Variants in USP34 observed in about 807,000 individuals in gnomAD.
USP34 encodes ubiquitin specific peptidase 34, also known as ubiquitin carboxyl-terminal hydrolase 34.
In USP34, 70 loss-of-function variants were observed where a neutral mutation model predicts 460.3. That is an observed-to-expected ratio of 0.15 (90% CI 0.13 to 0.19). USP34 has a LOEUF of 0.19. Ranked by LOEUF, USP34 falls within the 10% of genes least tolerant of loss-of-function variation. The pLI is 1.00. For missense variants in USP34, 3,985 were observed against 4,236.2 expected (o/e 0.94, Z 1.65); for synonymous variants, 1,647 against 1,405.3 (o/e 1.17, Z -3.85).
intron 43 of USP34, among the ~76,000 whole-genome samples, chr2:61,262,826 T>C (rs1688932219): frequency 6.6e-6 from 1 of 152,232 alleles, no homozygotes; most frequent in Non-Finnish European, 1.5e-5. Context: ...CCCTTTTCTT[T>C]ACAACATCGC....
intron 7 of USP34, among the ~76,000 whole-genome samples, chr2:61,379,416 A>C (rs1002345981): frequency 2.6e-5 from 4 of 152,194 alleles, no homozygotes; most frequent in African/African-American, 7.2e-5. Flanking sequence ...GCTACTCAGG[A>C]GGCTGAGGCA....
At position 61,313,439 on chromosome 2, in the gene USP34, G is replaced by A. The variant is rs1042487255; in HGVS notation, c.3542+1146C>T. Among the ~76,000 whole-genome samples, 3 of 152,206 alleles carry A rather than the reference G, an allele frequency of 2.0e-5. No individual in the cohort carries two copies. The East Asian group carries it at 5.8e-4, about 29-fold the overall frequency. Reference sequence around the variant, plus strand: ...AACAGGACCTTGTTGGTTTGTTGAAGATCCCACAGCATAGAAAAAATTTTA... The same window carrying A: ...AACAGGACCTTGTTGGTTTGTTGAAAATCCCACAGCATAGAAAAAATTTTA... On this transcript the variant is annotated intron_variant, in intron 25 of 79. Transcript: ENST00000398571.
At chr2:61,194,478 A>G (rs1686737074) in intron 75 of USP34, among the ~76,000 whole-genome samples, 1 of 152,180 alleles carries the variant, frequency 6.6e-6, no homozygotes, top group Non-Finnish European at 1.5e-5. Flanking sequence ...CTGTTTTTAT[A>G]TGGACTTGTG....
At chr2:61,311,728 A>G (rs773023943) in intron 26 of USP34, 41 bp from the exon 27 acceptor site, 4 of 1,609,464 alleles carry the variant, frequency 2.5e-6, no homozygotes, top group Non-Finnish European at 3.4e-6. Flanking sequence ...TACAAAAAGA[A>G]CAGATATTTG....
At chr2:61,251,967 A>T (rs1032346363) in intron 48 of USP34, among the ~76,000 whole-genome samples, 1 of 144,530 alleles carries the variant, frequency 6.9e-6, no homozygotes, top group Admixed American at 6.9e-5. Context: ...TAATTTGTTT[A>T]AAAAAAAAAA....
intron 28 of USP34, 47 bp from the exon 29 acceptor site, chr2:61,301,207 T>C: frequency 5.8e-6 from 9 of 1,554,848 alleles, no homozygotes; most frequent in Non-Finnish European, 7.8e-6. Flanking sequence ...GCTTTTAGTT[T>C]AATAAAACGG....
rs549814361 is a variant in USP34, at chr2:61,369,640, C to T, written c.1251+681G>A. Among the ~76,000 whole-genome samples, 4 of 52,722 alleles carry T rather than the reference C, an allele frequency of 7.6e-5. No homozygotes were observed. The South Asian group carries it at 3.1e-3, about 41-fold the overall frequency. 34.6% of individuals were successfully genotyped at this position (52,722 alleles called of 152,430 possible). A position where few individuals can be genotyped will look rare whatever the true frequency, so the allele number is the denominator to read the frequency against. ...CCTGGGCTACAAAGCAAGATTCCGT[C>T]TCAAAAAAAAAAAAAAAAAAAAAAA... On this transcript the variant is annotated intron_variant, in intron 10 of 79. Transcript: ENST00000398571.
rs1403562918 is a variant in USP34, at chr2:61,405,204, G to A, written c.552+504C>T. 4.2e-5 allele frequency among the ~76,000 whole-genome samples: 5 copies of A among 119,036 alleles called. No individual in the cohort carries two copies. The East Asian group carries it at 1.3e-3, about 32-fold the overall frequency. The allele number at this position is 119,036 out of a possible 152,430, so 78.1% of individuals were successfully genotyped here. ...ACCGAGATCACACCACTGCATTCCAGCCTGGGCAACAGAGAGAGACTCCAT... is the reference window on the plus strand; with the variant it reads ...ACCGAGATCACACCACTGCATTCCAACCTGGGCAACAGAGAGAGACTCCAT... On this transcript the variant is annotated intron_variant, in intron 3 of 79. Coordinates refer to ENST00000398571, the MANE Select transcript of USP34 (RefSeq NM_014709.4).
intron 61 of USP34, among the ~76,000 whole-genome samples, chr2:61,228,000 T>C (rs1252950329): frequency 6.6e-6 from 1 of 152,224 alleles, no homozygotes; most frequent in African/African-American, 2.4e-5. Context: ...GATTTTATGA[T>C]CTACTAGTGT....
chr2:61,206,924 T>G (rs1206253653), intron 70 of USP34, 38 bp from the exon 71 acceptor site: 1 of 1,600,234 alleles, frequency 6.2e-7, no homozygotes, highest in South Asian at 1.1e-5. Flanking sequence ...CTTAATTTCA[T>G]TTTTGCTTAC....
rs1039678267 is a variant in USP34 at position 61,229,396 on chromosome 2, C to G, written c.7199+152G>C. ...TAGCAATTTGGGAGGCCGAGGCGGG[C>G]GGATCATTTGAACTTACGAGTTTGA... On this transcript the variant is annotated intron_variant, in intron 59 of 79. Transcript: ENST00000398571. 6.3e-6 allele frequency: 3 copies of G among 479,074 alleles called. No homozygotes were observed. In the South Asian group the frequency reaches 1.3e-4, roughly 21 times the overall value. The allele number at this position is 479,074 out of a possible 1,614,324, so 29.7% of individuals were successfully genotyped here.
At chr2:61,196,854 T>A (rs963450007) in intron 75 of USP34, among the ~76,000 whole-genome samples, 2 of 152,138 alleles carry the variant, frequency 1.3e-5, no homozygotes, top group Non-Finnish European at 2.9e-5. Context: ...AATCTCTATA[T>A]CTATTTTCCA....
chr2:61,421,797 A>ACACGCG (rs1553387593), intron 1 of USP34, among the ~76,000 whole-genome samples: 65 of 147,394 alleles, frequency 4.4e-4, no homozygotes, highest in Middle Eastern at 3.6e-3. Context: ...ACACACACAC[A>ACACGCG]CGCGCGCGCG....
intron 5 of USP34, among the ~76,000 whole-genome samples, chr2:61,385,671 C>CA (rs61200102): frequency 0.051 from 2,351 of 45,870 alleles, 144 homozygotes; most frequent in African/African-American, 0.09. Flanking sequence ...GACTCTGTCT[C>CA]AAAAAAAAAA....
chr2:61,360,680 AG>A (rs1385618248), intron 10 of USP34, among the ~76,000 whole-genome samples: 4 of 152,242 alleles, frequency 2.6e-5, no homozygotes, highest in African/African-American at 4.8e-5. Context: ...GTTTTGAGAC[AG>A]GGTCTCATTT....
At chr2:61,246,276 A>G (rs1378407699) in intron 50 of USP34, 48 bp downstream of exon 50, 2 of 1,400,788 alleles carry the variant, frequency 1.4e-6, no homozygotes, top group African/African-American at 2.9e-5. Flanking sequence ...AACATATCAG[A>G]AAACTACCAT....
intron 19 of USP34, among the ~76,000 whole-genome samples, chr2:61,333,425 T>A (rs966770465): frequency 3.9e-5 from 6 of 152,076 alleles, no homozygotes; most frequent in African/African-American, 1.2e-4. Context: ...GCTCCAAAAA[T>A]GTTGGATTAT....
chr2:61,266,632 TG>T (rs1689056412), intron 41 of USP34, among the ~76,000 whole-genome samples: 1 of 152,186 alleles, frequency 6.6e-6, no homozygotes. Flanking sequence ...TCTGAGAAAG[TG>T]GGTGCTGGGT....
intron 1 of USP34, among the ~76,000 whole-genome samples, chr2:61,457,789 A>G (rs1695480858): frequency 6.6e-6 from 1 of 152,214 alleles, no homozygotes; most frequent in African/African-American, 2.4e-5. Context: ...TCAAGGCTGC[A>G]GTGAGCTAGG....
Sources: gnomAD v4.1 joint callset for allele counts (sites outside exome capture counted in the v4.1 genomes callset) on GRCh38, gnomAD v4.1.1 for gene constraint, MANE v1.5 for transcripts, NCBI Gene and HGNC (gene_info 2026-07-23, HGNC 2026-07-21) for gene names.